Variants in UBR3 observed in about 807,000 individuals in gnomAD.
The protein encoded by UBR3 is ubiquitin protein ligase E3 component n-recognin 3.
Under a neutral mutation model 243.2 loss-of-function variants are expected in UBR3, and 85 were observed. The observed-to-expected ratio is 0.35, with a 90% CI of 0.29 to 0.42. The LOEUF (loss-of-function observed/expected upper bound fraction) is 0.42. Among genes scored for constraint, UBR3 ranks in the 10% least tolerant of loss-of-function variants. The pLI is 1.00. For missense variants in UBR3, 1,686 were observed against 2,300.8 expected (o/e 0.73, Z 5.47); for synonymous variants, 748 against 799.8 (o/e 0.94, Z 1.09).
rs543589192 is a variant in UBR3, at chr2:169,856,309, C to T, written c.546-15927C>T. 5.9e-3 allele frequency among the ~76,000 whole-genome samples: 880 copies of T among 150,178 alleles called. 1 individual carries two copies. The highest frequency in any genetic ancestry group is 8.7e-3 in the Non-Finnish European group (592 of 67,756). On this transcript the variant is annotated intron_variant, in intron 1 of 38. Coordinates refer to ENST00000272793, the MANE Select transcript of UBR3 (RefSeq NM_172070.4). ...GCAGAGACGCTCCTCACTTCCTAGA[C>T]GGGATGATGGCCGGGAAGAGGCACT...
intron 19 of UBR3, among the ~76,000 whole-genome samples, chr2:169,937,762 T>G (rs926202594): frequency 1.3e-5 from 2 of 152,296 alleles, no homozygotes; most frequent in South Asian, 4.1e-4. Flanking sequence ...TAAGAGTTCT[T>G]GAGTGCATTG....
chr2:169,829,344 A>T (rs2081851249), intron 1 of UBR3, among the ~76,000 whole-genome samples: 1 of 152,068 alleles, frequency 6.6e-6, no homozygotes, highest in Admixed American at 6.5e-5. Context: ...GTGCAGAGGG[A>T]GTAAGAAAAA....
intron 7 of UBR3, among the ~76,000 whole-genome samples, chr2:169,895,584 A>G (rs1042622531): frequency 2.6e-5 from 4 of 152,202 alleles, no homozygotes; most frequent in Admixed American, 1.3e-4. Flanking sequence ...TGAAACCACA[A>G]TTTTTATTTT....
At chr2:169,968,446 A>G (rs976742358) in intron 24 of UBR3, among the ~76,000 whole-genome samples, 2 of 152,106 alleles carry the variant, frequency 1.3e-5, no homozygotes, top group African/African-American at 4.8e-5. Context: ...AGAAAAAGTG[A>G]TATTTGTCTT....
At chr2:170,037,331 G>A (rs550569518) in intron 31 of UBR3, among the ~76,000 whole-genome samples, 1 of 152,006 alleles carries the variant, frequency 6.6e-6, no homozygotes, top group South Asian at 2.1e-4. Flanking sequence ...GTTTTTCTTT[G>A]CTGTTCTCAC....
chr2:170,015,221 TA>T (rs1477356941), intron 29 of UBR3, 59 bp from the exon 30 acceptor site: 1 of 1,409,666 alleles, frequency 7.1e-7, no homozygotes, highest in Non-Finnish European at 9.8e-7. Context: ...GACATGTCAA[TA>T]AAGCAGATTA....
At chr2:169,997,471 G>T (rs1288240008) in intron 26 of UBR3, among the ~76,000 whole-genome samples, 4 of 151,982 alleles carry the variant, frequency 2.6e-5, no homozygotes. Context: ...GCTTCTGCTT[G>T]GGGAGTGCTG....
At chr2:169,924,763 G>T (rs1342961515) in intron 13 of UBR3, among the ~76,000 whole-genome samples, 1 of 152,142 alleles carries the variant, frequency 6.6e-6, no homozygotes, top group African/African-American at 2.4e-5. Context: ...AGCCAGGTGT[G>T]GTGGCTCACG....
In UBR3 at chr2:170,041,024, T is replaced by C. The variant is rs186217362; in HGVS notation, c.4660+39T>C. On this transcript the variant is annotated intron_variant, in intron 32 of 38. Coordinates refer to ENST00000272793, the MANE Select transcript of UBR3 (RefSeq NM_172070.4). ...ATTCAGATTCTTTGATTATATACTA[T>C]GTATTTTGAATATTCTAGAGATTAT... 1,256 of 1,554,894 alleles carry C rather than the reference T, an allele frequency of 8.1e-4. 4 individuals are homozygous for C. The highest frequency in any genetic ancestry group is 4.4e-3 in the Middle Eastern group (26 of 5,928).
chr2:169,939,145 A>C (rs1474504011), intron 19 of UBR3, among the ~76,000 whole-genome samples: 2 of 152,034 alleles, frequency 1.3e-5, no homozygotes, highest in African/African-American at 4.8e-5. Context: ...ATTAGGTGTC[A>C]TATGAGATGA....
intron 32 of UBR3, among the ~76,000 whole-genome samples, chr2:170,049,244 TAGAGA>T (rs1216752240): frequency 6.6e-6 from 1 of 152,214 alleles, no homozygotes; most frequent in Admixed American, 6.5e-5. Context: ...AATGTAAGGC[TAGAGA>T]AAAGAAAACA....
At chr2:170,042,055 T>C in intron 32 of UBR3, among the ~76,000 whole-genome samples, 1 of 152,190 alleles carries the variant, frequency 6.6e-6, no homozygotes, top group Non-Finnish European at 1.5e-5. Context: ...ATTCACACCA[T>C]TAGTTAGTTC....
chr2:169,892,918 A>G (rs1465675450), intron 6 of UBR3, among the ~76,000 whole-genome samples: 1 of 152,080 alleles, frequency 6.6e-6, no homozygotes, highest in East Asian at 1.9e-4. Context: ...CAGAACTTGA[A>G]CTCTGCTCTC....
chr2:169,876,503 T>C (rs1369801418), intron 3 of UBR3, among the ~76,000 whole-genome samples: 3 of 147,848 alleles, frequency 2.0e-5, no homozygotes, highest in Non-Finnish European at 3.0e-5. Flanking sequence ...ACTTTTGGTG[T>C]GACATGATAA....
At chr2:169,873,810 T>C (rs2083508518) in intron 2 of UBR3, among the ~76,000 whole-genome samples, 1 of 152,250 alleles carries the variant, frequency 6.6e-6, no homozygotes, top group Admixed American at 6.5e-5. Flanking sequence ...AATTGCCTTA[T>C]GCATTATTTC....
At chr2:170,070,986 A>G (rs991110212) in intron 35 of UBR3, among the ~76,000 whole-genome samples, 1 of 152,152 alleles carries the variant, frequency 6.6e-6, no homozygotes, top group African/African-American at 2.4e-5. Context: ...TCTTAAGAGA[A>G]TATATATGAA....
intron 30 of UBR3, among the ~76,000 whole-genome samples, chr2:170,020,390 C>T (rs928199487): frequency 6.6e-6 from 1 of 152,132 alleles, no homozygotes; most frequent in Non-Finnish European, 1.5e-5. Context: ...TTCTGAAGAG[C>T]AAGTTGGTAT....
intron 8 of UBR3, among the ~76,000 whole-genome samples, chr2:169,898,952 C>T (rs998949014): frequency 4.6e-5 from 7 of 151,920 alleles, no homozygotes; most frequent in East Asian, 3.9e-4. Context: ...CCGCCTGCCT[C>T]GGCCTCCCAA....
At chr2:170,064,803 A>ATTTTT in intron 35 of UBR3, among the ~76,000 whole-genome samples, 1 of 87,876 alleles carries the variant, frequency 1.1e-5, no homozygotes, top group Non-Finnish European at 2.2e-5. Flanking sequence ...TGCTTTTTCT[A>ATTTTT]TTTTTTTTTT....
Sources: allele counts gnomAD v4.1 joint callset (sites outside exome capture counted in the v4.1 genomes callset), GRCh38; gene constraint gnomAD v4.1.1; transcripts MANE v1.5; gene names NCBI Gene and HGNC (gene_info 2026-07-23, HGNC 2026-07-21).